GTSF1: variants seen among roughly 807,000 people sequenced by gnomAD.
GTSF1 encodes gametocyte-specific factor 1.
A neutral mutation model predicts 28.9 loss-of-function variants in GTSF1; 11 were observed. That is an observed-to-expected ratio of 0.38 (90% CI 0.24 to 0.63). The LOEUF is 0.63. GTSF1 is among the 30% of genes least tolerant of loss of function. GTSF1 has a pLI of 0.56. For synonymous variants in GTSF1, 69 were observed against 65.6 expected, an observed-to-expected ratio of 1.05 and a Z score of -0.25; for missense variants, 146 against 201.0, an observed-to-expected ratio of 0.73 and a Z score of 1.66.
intron 2 of GTSF1, among the ~76,000 whole-genome samples, chr12:54,469,946 G>T (rs1365923481): frequency 1.3e-5 from 2 of 152,144 alleles, no homozygotes; most frequent in Non-Finnish European, 2.9e-5. Flanking sequence ...GCCAAGGCAG[G>T]TGGATCACAA....
chr12:54,471,305 A>G (rs1956591439), intron 1 of GTSF1, 28 bp from the exon 2 acceptor site: 3 of 1,518,058 alleles, frequency 2.0e-6, no homozygotes, highest in Admixed American at 2.0e-5. Flanking sequence ...GTGATTCAGG[A>G]AATCAGAAAT....
intron 2 of GTSF1, among the ~76,000 whole-genome samples, chr12:54,467,320 TTG>T (rs778823182): frequency 9.6e-4 from 143 of 148,674 alleles, no homozygotes; most frequent in Non-Finnish European, 2.0e-3. Context: ...TTTTTGTTTT[TTG>T]TTTTTTTTTT....
chr12:54,473,290 AG>A (rs1956612187), intron 1 of GTSF1, among the ~76,000 whole-genome samples: 1 of 152,142 alleles, frequency 6.6e-6, no homozygotes, highest in African/African-American at 2.4e-5. Context: ...ACAAAATCAC[AG>A]TAGACTTAAT....
At position 54,462,679 on chromosome 12, in the gene GTSF1, A is replaced by T. The variant is rs765334551; in HGVS notation, c.291T>A (p.Thr97=). The T allele has an allele frequency of 1.9e-6, 3 of 1,614,038 alleles. No homozygotes were observed. Among genetic ancestry groups the T allele is most frequent in the Non-Finnish European group, 2.5e-6 (3 of 1,179,998 alleles). Residue 97 remains threonine, a synonymous_variant, in exon 5 of 9, where the codon ACT becomes ACA. Transcript: ENST00000305879. Reference sequence around the variant, plus strand: ...CTTCATCGCAAGGAGGGCACTGCCAAGTGCTCTCAGCCAGAGTCTCTTGTC... The same window carrying T: ...CTTCATCGCAAGGAGGGCACTGCCATGTGCTCTCAGCCAGAGTCTCTTGTC... ...SLRQETLAES[T]WQCPPCDEDW...
intron 5 of GTSF1, 145 bp from the exon 6 acceptor site, chr12:54,462,317 C>T: frequency 6.5e-6 from 4 of 617,798 alleles, no homozygotes; most frequent in Non-Finnish European, 8.7e-6. Context: ...GCCTAAGTGA[C>T]ACAGTAGCAA....
intron 2 of GTSF1, among the ~76,000 whole-genome samples, chr12:54,469,927 C>T (rs1295906923): frequency 1.3e-5 from 2 of 152,134 alleles, no homozygotes; most frequent in Admixed American, 6.5e-5. Context: ...AATCCCAGCA[C>T]TTTGGGAGGC....
In GTSF1 at chr12:54,465,091, A is replaced by T; in HGVS notation, c.93T>A (p.Pro31=). ...KNHQIRACRF[P]YHLIKCRKNH... is the part of the protein sequence containing the mutation. ...CCTTTCTGCACTTGATAAGATGATA[A>T]GGAAACCTGCAAGCCCTGATTTGAT... Residue 31 remains proline (P), a synonymous_variant, in exon 3 of 9, where the codon CCT becomes CCA. Coordinates refer to ENST00000305879, the MANE Select transcript of GTSF1 (RefSeq NM_144594.3). The T allele has an allele frequency of 6.2e-7, 1 of 1,613,246 alleles. No homozygotes were observed. Among genetic ancestry groups the T allele is most frequent in the East Asian group, 2.2e-5 (1 of 44,834 alleles).
rs1956590433 is a variant in GTSF1, at chr12:54,471,257, T to G, written c.-9A>C. ...CTGTAAGTTTCTTCCATGTTGGAAA[T>G]GAAGAAGCTGAATCCAAGTGCTGGA... On this transcript the variant is annotated 5_prime_UTR_variant, in exon 2 of 9. Transcript: ENST00000305879. 6.3e-7 allele frequency: 1 copy of G among 1,591,022 alleles called. No individual in the cohort carries two copies. The highest frequency in any genetic ancestry group is 1.8e-5 in the Admixed American group (1 of 55,264).
At chr12:54,467,403 C>T (rs989112028) in intron 2 of GTSF1, among the ~76,000 whole-genome samples, 7 of 151,888 alleles carry the variant, frequency 4.6e-5, no homozygotes, top group South Asian at 4.1e-4. Context: ...CAACCTCCAC[C>T]GCCTGGGTTC....
intron 2 of GTSF1, among the ~76,000 whole-genome samples, chr12:54,466,011 G>C (rs1403557570): frequency 6.6e-6 from 1 of 152,044 alleles, no homozygotes; most frequent in Non-Finnish European, 1.5e-5. Context: ...AAAAAAATAG[G>C]AACAATGTGC....
chr12:54,468,120 A>G (rs1022280703), intron 2 of GTSF1, among the ~76,000 whole-genome samples: 12 of 151,952 alleles, frequency 7.9e-5, no homozygotes, highest in African/African-American at 2.9e-4. Flanking sequence ...TTCTTTTTGC[A>G]TGTATGAGTA....
chr12:54,458,312 T>A (rs1956367636), intron 8 of GTSF1, among the ~76,000 whole-genome samples: 1 of 152,210 alleles, frequency 6.6e-6, no homozygotes, highest in African/African-American at 2.4e-5. Context: ...TTCTGCTAAA[T>A]CAAATACTCA....
intron 3 of GTSF1, 87 bp downstream of exon 3, chr12:54,464,980 A>T: frequency 1.3e-6 from 1 of 766,060 alleles, no homozygotes; most frequent in Non-Finnish European, 2.2e-6. Flanking sequence ...GCAATCAATT[A>T]AAACATGATA....
At chr12:54,470,200 A>C (rs1168542107) in intron 2 of GTSF1, among the ~76,000 whole-genome samples, 5 of 152,196 alleles carry the variant, frequency 3.3e-5, no homozygotes, top group Non-Finnish European at 5.9e-5. Context: ...AAAAACTTTA[A>C]GAAAAATTAA....
chr12:54,456,424 A>G (rs1267107625), intron 8 of GTSF1, among the ~76,000 whole-genome samples: 1 of 152,220 alleles, frequency 6.6e-6, no homozygotes, highest in African/African-American at 2.4e-5. Context: ...AAGTGAGGAG[A>G]ATATCAGGAA....
intron 7 of GTSF1, 118 bp from the exon 8 acceptor site, chr12:54,459,243 TAGA>T (rs1191426970): frequency 4.2e-6 from 6 of 1,416,702 alleles, no homozygotes; most frequent in South Asian, 1.5e-5. Context: ...AATATAAAAG[TAGA>T]AGAATTTAAT....
chr12:54,470,677 T>C (rs542146311), intron 2 of GTSF1, among the ~76,000 whole-genome samples: 1 of 152,292 alleles, frequency 6.6e-6, no homozygotes, highest in South Asian at 2.1e-4. Context: ...ATAAACAATA[T>C]AGAAGACTCT....
intron 3 of GTSF1, among the ~76,000 whole-genome samples, chr12:54,463,657 G>C (rs1470556179): frequency 2.0e-5 from 3 of 152,122 alleles, no homozygotes; most frequent in East Asian, 3.9e-4. Context: ...GAGCTCTCTG[G>C]ATGTCTTTGA....
intron 2 of GTSF1, among the ~76,000 whole-genome samples, chr12:54,470,347 C>T (rs977917445): frequency 6.6e-6 from 1 of 152,182 alleles, no homozygotes; most frequent in African/African-American, 2.4e-5. Flanking sequence ...TCTGGTTCAA[C>T]AAGCTTTCCA....
Sources: allele counts gnomAD v4.1 joint callset (sites outside exome capture counted in the v4.1 genomes callset), GRCh38; gene constraint gnomAD v4.1.1; transcripts MANE v1.5; gene names NCBI Gene and HGNC (gene_info 2026-07-23, HGNC 2026-07-21).